The following NF1 variants were observed in gnomAD, a reference collection of about 807,000 sequenced individuals.
The protein encoded by NF1 is neurofibromin.
Under a neutral mutation model 325.7 loss-of-function variants are expected in NF1, and 122 were observed. That is an observed-to-expected ratio of 0.37 (90% confidence interval 0.32 to 0.44). The LOEUF (loss-of-function observed/expected upper bound fraction) is 0.44, where lower values mean the gene tolerates loss of function less well. Among genes scored for constraint, NF1 ranks in the 20% least tolerant of loss-of-function variants. The pLI is 1.00. For synonymous variants in NF1, 1,091 were observed against 1,186.0 expected (o/e 0.92, Z 1.65); for missense variants, 2,140 against 3,415.4 (o/e 0.63, Z 9.31).
intron 36 of NF1, among the ~76,000 whole-genome samples, chr17:31,269,755 G>GA: frequency 6.6e-6 from 1 of 152,156 alleles, no homozygotes; most frequent in African/African-American, 2.4e-5. Context: ...AATCCCAGAG[G>GA]AAAAACACCT....
Position 31,374,132 on chromosome 17 carries a change from A to C in NF1, c.8497A>C (p.Asn2833His), listed in dbSNP as rs786202863. 3.1e-6 allele frequency: 5 copies of C among 1,614,090 alleles called. No individual in the cohort carries two copies. The highest frequency in any genetic ancestry group is 4.2e-6 in the Non-Finnish European group (5 of 1,179,968). ...KQRSAGSFKR[N>H]SIKKIV Reference sequence around the variant, plus strand: ...AAGAAGCGCTGGCAGTTTCAAACGTAATAGCATTAAGAAGATCGTGTGAAG... The same window carrying C: ...AAGAAGCGCTGGCAGTTTCAAACGTCATAGCATTAAGAAGATCGTGTGAAG... The change falls in exon 58 of 58, where the codon AAT becomes CAT. Residue 2833 changes from asparagine to histidine, a missense_variant. Around this residue, in one of 10 missense-constraint regions of NF1, gnomAD observed 522 missense variants for 749.0 expected, o/e 0.70. Transcript: ENST00000358273.
rs373381844 is a variant in NF1, at chr17:31,338,832, A to G, written c.6921+27A>G. The G allele has an allele frequency of 3.3e-5, 46 of 1,414,482 alleles. No individual in the cohort carries two copies. In the African/African-American group the frequency reaches 5.9e-4, roughly 18 times the overall value. 87.6% of individuals were successfully genotyped at this position (1,414,482 alleles called of 1,614,324 possible). ...TAATTACTGTATAGAAAATGAGTGC[A>G]TTCATTTTGGGTATCAGTGTTGAAT... is the stretch of plus-strand genomic sequence containing the variant. On this transcript the variant is annotated intron_variant, in intron 46 of 57. Transcript: ENST00000358273.
chr17:31,288,257 G>A (rs565117386), intron 36 of NF1, among the ~76,000 whole-genome samples: 3 of 152,112 alleles, frequency 2.0e-5, no homozygotes, highest in Admixed American at 6.5e-5. Flanking sequence ...GTTTAACAAA[G>A]TTGGGGCTGT....
intron 1 of NF1, among the ~76,000 whole-genome samples, chr17:31,149,042 C>A (rs528646627): frequency 4.6e-5 from 7 of 151,772 alleles, no homozygotes; most frequent in African/African-American, 1.7e-4. Context: ...ATATAAGAAA[C>A]ATATATTTCT....
At chr17:31,306,235 A>G in intron 36 of NF1, among the ~76,000 whole-genome samples, 1 of 152,020 alleles carries the variant, frequency 6.6e-6, no homozygotes, top group Non-Finnish European at 1.5e-5. Flanking sequence ...GTTAATTGAT[A>G]TTCTGTCCTC....
intron 5 of NF1, 127 bp from the exon 6 acceptor site, chr17:31,181,293 CTT>C: frequency 1.2e-6 from 1 of 864,944 alleles, no homozygotes; most frequent in Non-Finnish European, 1.8e-6. Flanking sequence ...TGTTAGGTGT[CTT>C]TACCTTTCAT....
At chr17:31,108,402 T>G (rs1283817657) in intron 1 of NF1, among the ~76,000 whole-genome samples, 2 of 150,388 alleles carry the variant, frequency 1.3e-5, no homozygotes, top group Non-Finnish European at 3.0e-5. Context: ...GCCTCCCGAG[T>G]AGCTGAGATC....
intron 4 of NF1, 136 bp downstream of exon 4, chr17:31,163,512 G>A: frequency 2.2e-6 from 2 of 910,258 alleles, no homozygotes; most frequent in Non-Finnish European, 3.4e-6. Context: ...GCCCCTCACA[G>A]CAGCTTTGAC....
chr17:31,296,738 G>T, intron 36 of NF1: 2 of 219,472 alleles, frequency 9.1e-6, no homozygotes, highest in African/African-American at 2.3e-5. Context: ...GAGAAAAAAT[G>T]GCTGTCGTGT....
intron 8 of NF1, among the ~76,000 whole-genome samples, chr17:31,188,390 T>G (rs1034302157): frequency 6.6e-6 from 1 of 152,258 alleles, no homozygotes; most frequent in Non-Finnish European, 1.5e-5. Context: ...TTAAGATTTA[T>G]TGACTTCACA....
At chr17:31,228,298 G>T (rs1477061745) in intron 20 of NF1, among the ~76,000 whole-genome samples, 1 of 152,144 alleles carries the variant, frequency 6.6e-6, no homozygotes, top group Non-Finnish European at 1.5e-5. Flanking sequence ...TATAAAAACT[G>T]GTTGTTCCTC....
rs1458579232 is a variant in NF1 at position 31,233,130 on chromosome 17, G to T, written c.3625G>T (p.Val1209Leu). 1 of 1,614,182 alleles carries T rather than the reference G, an allele frequency of 6.2e-7. No homozygotes were observed. The highest frequency in any genetic ancestry group is 8.5e-7 in the Non-Finnish European group (1 of 1,180,034). Residue 1209 changes from valine (V) to leucine (L), a missense_variant, in exon 27 of 58, where the codon GTG becomes TTG. Val to Leu is a conservative substitution (Grantham distance 32). Coordinates refer to ENST00000358273, the MANE Select transcript of NF1 (RefSeq NM_001042492.3). ...ATTGGCTGATCGGTTTGAGAGATTG[G>T]TGGAACTGGTCACAATGATGGGTGA... ...TVLADRFERL[V>L]ELVTMMGDQG... is the part of the protein sequence containing the mutation.
chr17:31,108,727 C>T (rs927717906), intron 1 of NF1, among the ~76,000 whole-genome samples: 4 of 152,080 alleles, frequency 2.6e-5, no homozygotes, highest in Non-Finnish European at 5.9e-5. Flanking sequence ...TATTCTTATA[C>T]TGACTTTAAG....
intron 11 of NF1, among the ~76,000 whole-genome samples, chr17:31,204,479 A>G (rs1251199526): frequency 6.6e-6 from 1 of 152,176 alleles, no homozygotes; most frequent in Non-Finnish European, 1.5e-5. Context: ...GGAAGGGCAC[A>G]TTTAGTAACT....
At chr17:31,211,801 G>T (rs761507926) in intron 12 of NF1, among the ~76,000 whole-genome samples, 15 of 152,222 alleles carry the variant, frequency 9.9e-5, no homozygotes, top group Non-Finnish European at 1.9e-4. Flanking sequence ...GGAAGTTGCT[G>T]TGGGTGAGTC....
chr17:31,150,487 G>T (rs1173811618), intron 1 of NF1, among the ~76,000 whole-genome samples: 1 of 152,070 alleles, frequency 6.6e-6, no homozygotes, highest in Non-Finnish European at 1.5e-5. Context: ...GGTATTATGT[G>T]TTGGTTTTTT....
rs372292449 is a variant in NF1 at position 31,230,948 on chromosome 17, G to A, written c.3197+23G>A. The A allele has an allele frequency of 7.7e-6, 12 of 1,553,794 alleles. No individual in the cohort carries two copies. In the Admixed American group the frequency reaches 2.0e-4, roughly 26 times the overall value. On this transcript the variant is annotated intron_variant, in intron 24 of 57. Transcript: ENST00000358273. ...AAGGTAAAAAAAGAATGACCTTCAA[G>A]TATTAGTGGGTTTTACTGTGAGAGT...
chr17:31,130,894 C>T (rs1330354136), intron 1 of NF1, among the ~76,000 whole-genome samples: 1 of 152,180 alleles, frequency 6.6e-6, no homozygotes, highest in African/African-American at 2.4e-5. Flanking sequence ...AGGGTATTGG[C>T]AGGCTCGTGC....
At chr17:31,323,999 C>T (rs923007268) in intron 36 of NF1, among the ~76,000 whole-genome samples, 1 of 152,052 alleles carries the variant, frequency 6.6e-6, no homozygotes, top group Non-Finnish European at 1.5e-5. Context: ...ATTAAAAATT[C>T]TGAGGTGAAG....
Sources: allele counts gnomAD v4.1 joint callset (sites outside exome capture counted in the v4.1 genomes callset), GRCh38; gene constraint gnomAD v4.1.1; regional missense constraint gnomAD v4.1.1; transcripts MANE v1.5; gene names NCBI Gene and HGNC (gene_info 2026-07-23, HGNC 2026-07-21).